The following PCDH15 variants were observed in gnomAD, a reference collection of about 807,000 sequenced individuals.
The protein encoded by PCDH15 is protocadherin related 15.
In PCDH15, 129 loss-of-function variants were observed where a neutral mutation model predicts 178.5. That is an observed-to-expected ratio of 0.72 (90% CI 0.63 to 0.84). The LOEUF (loss-of-function observed/expected upper bound fraction) is 0.84, where lower values mean the gene tolerates loss of function less well. PCDH15 is among the 40% of genes least tolerant of loss of function. The pLI is 0.00. For missense variants in PCDH15, 2,230 were observed against 2,099.9 expected (o/e 1.06, Z -1.21); for synonymous variants, 800 against 732.0 (o/e 1.09, Z -1.50).
At chr10:53,966,510 G>C (rs984101143) in intron 21 of PCDH15, among the ~76,000 whole-genome samples, 7 of 151,974 alleles carry the variant, frequency 4.6e-5, no homozygotes, top group African/African-American at 1.7e-4. Flanking sequence ...AATAGGTAAA[G>C]GTAATAGGCT....
chr10:55,261,178 A>C (rs1030515272), intron 1 of PCDH15, among the ~76,000 whole-genome samples: 2 of 152,232 alleles, frequency 1.3e-5, no homozygotes, highest in African/African-American at 4.8e-5. Context: ...TGATTAATTC[A>C]ATGTATGCCT....
At chr10:54,827,820 T>G (rs980495596) in intron 3 of PCDH15, among the ~76,000 whole-genome samples, 1 of 152,166 alleles carries the variant, frequency 6.6e-6, no homozygotes, top group East Asian at 1.9e-4. Flanking sequence ...AGAAAGCAAA[T>G]TTTCAATATG....
intron 10 of PCDH15, among the ~76,000 whole-genome samples, chr10:54,196,742 G>A (rs1190711411): frequency 6.6e-6 from 1 of 152,140 alleles, no homozygotes; most frequent in Non-Finnish European, 1.5e-5. Context: ...AGGTGATAAG[G>A]TGGTGAGGGC....
At chr10:54,699,544 C>T (rs1212713976) in intron 1 of PCDH15, among the ~76,000 whole-genome samples, 1 of 152,072 alleles carries the variant, frequency 6.6e-6, no homozygotes, top group East Asian at 1.9e-4. Flanking sequence ...AGTCCCACCT[C>T]ACTTTTGAAA....
intron 26 of PCDH15, among the ~76,000 whole-genome samples, chr10:53,890,520 G>A (rs1223138913): frequency 6.6e-6 from 1 of 152,172 alleles, no homozygotes; most frequent in Non-Finnish European, 1.5e-5. Context: ...AAATTACTAT[G>A]AGCCTCACTG....
At chr10:53,903,486 C>G in intron 25 of PCDH15, 116 bp from the exon 26 acceptor site, 1 of 1,253,128 alleles carries the variant, frequency 8.0e-7, no homozygotes, top group Non-Finnish European at 1.1e-6. Flanking sequence ...AATCAAAAGC[C>G]ATTTCTAGAT....
intron 18 of PCDH15, among the ~76,000 whole-genome samples, chr10:54,025,552 G>A (rs2093057632): frequency 6.6e-6 from 1 of 150,454 alleles, no homozygotes; most frequent in Non-Finnish European, 1.5e-5. Context: ...AGGCTGGAGT[G>A]CAGTGGTGCG....
chr10:54,565,202 C>T (rs1315360204), intron 2 of PCDH15, among the ~76,000 whole-genome samples: 1 of 152,222 alleles, frequency 6.6e-6, no homozygotes, highest in Non-Finnish European at 1.5e-5. Context: ...AACATTCCAA[C>T]ACCTTTCCTT....
chr10:54,266,479 G>A (rs1232075992), intron 8 of PCDH15, among the ~76,000 whole-genome samples: 1 of 151,374 alleles, frequency 6.6e-6, no homozygotes, highest in African/African-American at 2.4e-5. Context: ...GAACAAAATC[G>A]AGATTCAAAA....
At chr10:54,731,561 T>TATATATATATATATATATATATAA (rs1566067493) in intron 1 of PCDH15, among the ~76,000 whole-genome samples, 1 of 48,304 alleles carries the variant, frequency 2.1e-5, no homozygotes, top group African/African-American at 7.4e-5. Context: ...TATATATATA[T>TATATATATATATATATATATATAA]ATACACACAC....
At chr10:55,595,053 A>G (rs928747460) in intron 2 of PCDH15, among the ~76,000 whole-genome samples, 5 of 152,078 alleles carry the variant, frequency 3.3e-5, no homozygotes, top group African/African-American at 9.6e-5. Context: ...ATTTTTAATC[A>G]TTGAAATTCA....
rs151063946 is a variant in PCDH15, at chr10:54,221,534, T to G, written c.986-7486A>C. On this transcript the variant is annotated intron_variant, in intron 9 of 37. Transcript: ENST00000644397. ...CTCCCCATTCATATTTCTCACCCTA[T>G]GCAAACACTGATCACTTTCTGTCTG... 1.3e-3 allele frequency among the ~76,000 whole-genome samples: 199 copies of G among 152,228 alleles called. 3 individuals are homozygous for G. The South Asian group carries it at 0.019, about 14-fold the overall frequency.
chr10:54,657,762 G>T (rs1038575163), intron 2 of PCDH15, among the ~76,000 whole-genome samples: 1 of 152,180 alleles, frequency 6.6e-6, no homozygotes, highest in African/African-American at 2.4e-5. Context: ...AGATGAGAAA[G>T]AATCAATGCA....
intron 3 of PCDH15, among the ~76,000 whole-genome samples, chr10:54,442,755 C>A (rs2075908076): frequency 6.6e-6 from 1 of 151,174 alleles, no homozygotes; most frequent in South Asian, 2.1e-4. Flanking sequence ...ATAAAGACTA[C>A]AACATTTATT....
chr10:53,905,250 C>A, intron 25 of PCDH15: 1 of 517,744 alleles, frequency 1.9e-6, no homozygotes, highest in Non-Finnish European at 3.9e-6. Flanking sequence ...GTCCTGCATT[C>A]TGATATAACA....
chr10:53,971,193 A>T lies in PCDH15; in HGVS notation c.2869-9301T>A, dbSNP rs184335404. Among the ~76,000 whole-genome samples the T allele has an allele frequency of 1.4e-3, 209 of 152,330 alleles. 2 individuals carry two copies. Among genetic ancestry groups the T allele is most frequent in the Middle Eastern group, 3.4e-3 (1 of 294 alleles). ...CAGAACCAAAGACAAAAACCACATG[A>T]TTATCTCAATAGATGCAGAAAAGGC... On this transcript the variant is annotated intron_variant, in intron 21 of 37. Transcript: ENST00000644397.
chr10:54,062,637 C>A (rs2094054086), intron 18 of PCDH15, among the ~76,000 whole-genome samples: 1 of 151,952 alleles, frequency 6.6e-6, no homozygotes, highest in African/African-American at 2.4e-5. Flanking sequence ...TGCCTAAAGA[C>A]CAGGCTAAGG....
intron 15 of PCDH15, among the ~76,000 whole-genome samples, chr10:54,108,154 T>C (rs1248249596): frequency 6.6e-6 from 1 of 152,050 alleles, no homozygotes; most frequent in East Asian, 1.9e-4. Flanking sequence ...AACAAACAAC[T>C]TTCATAACAA....
chr10:54,617,606 C>T (rs1047654732), intron 2 of PCDH15, among the ~76,000 whole-genome samples: 2 of 151,534 alleles, frequency 1.3e-5, no homozygotes, highest in Non-Finnish European at 2.9e-5. Context: ...ACTATATTAA[C>T]AGTCATTACT....
Sources: gnomAD v4.1 joint callset for allele counts (sites outside exome capture counted in the v4.1 genomes callset) on GRCh38, gnomAD v4.1.1 for gene constraint, MANE v1.5 for transcripts, NCBI Gene and HGNC (gene_info 2026-07-23, HGNC 2026-07-21) for gene names.